The following ANKRD26 variants were observed in gnomAD, a reference collection of about 807,000 sequenced individuals.
ANKRD26 encodes ankyrin repeat domain 26.
Under a neutral mutation model 208.7 loss-of-function variants are expected in ANKRD26, and 141 were observed. The ratio of observed to expected loss-of-function variants is 0.68; its 90% CI spans 0.59 to 0.78. The LOEUF is 0.78. Ranked by LOEUF, ANKRD26 falls within the 30% of genes least tolerant of loss-of-function variation. The pLI, the probability that ANKRD26 is intolerant of heterozygous loss-of-function variation, is 0.00. For missense variants in ANKRD26, 1,889 were observed against 1,938.7 expected, an observed-to-expected ratio of 0.97 and a Z score of 0.48; for synonymous variants, 636 against 660.4, an observed-to-expected ratio of 0.96 and a Z score of 0.57.
Position 27,067,178 on chromosome 10 carries a change from C to T in ANKRD26, c.1186G>A (p.Val396Met). ...TTACCACTTCTATTATTTTTGTGCA[C>T]TTCATCAACATAAGTCAAATTGTCA... ...NNDNLTYVDE[V>M]HKNNRSDMMS... The change falls in exon 10 of 34, where the codon GTG (valine) becomes ATG (methionine). Residue 396 changes from valine to methionine, a missense_variant. This residue lies in a region of ANKRD26 where 1,272 missense variants were observed against 1,273.8 expected (regional missense o/e 1.00). Coordinates refer to ENST00000376087, the MANE Select transcript of ANKRD26 (RefSeq NM_014915.3). The T allele has an allele frequency of 6.2e-7, 1 of 1,613,600 alleles. No homozygotes were observed. Among genetic ancestry groups the T allele is most frequent in the South Asian group, 1.1e-5 (1 of 91,074 alleles).
intron 9 of ANKRD26, among the ~76,000 whole-genome samples, chr10:27,069,142 C>A (rs1005823273): frequency 2.0e-4 from 26 of 127,364 alleles, no homozygotes; most frequent in Non-Finnish European, 2.9e-4. Context: ...TTGCGGTGAA[C>A]AGAGGTGACG....
intron 5 of ANKRD26, among the ~76,000 whole-genome samples, chr10:26,979,930 G>GT (rs35002427): frequency 4.5e-4 from 68 of 150,444 alleles, no homozygotes; most frequent in African/African-American, 1.2e-3. Flanking sequence ...GCAGTCTTTT[G>GT]TTTTTTTTTT....
chr10:27,034,326 A>T (rs1231863187), intron 24 of ANKRD26, among the ~76,000 whole-genome samples: 1 of 152,248 alleles, frequency 6.6e-6, no homozygotes, highest in African/African-American at 2.4e-5. Flanking sequence ...ACAGAAAAGT[A>T]TTAAGAGATA....
chr10:27,077,603 A>C, intron 8 of ANKRD26, 30 bp downstream of exon 8: 1 of 1,612,584 alleles, frequency 6.2e-7, no homozygotes, highest in Non-Finnish European at 8.5e-7. Flanking sequence ...AGTGAATAAC[A>C]CAAGAATAAG....
intron 11 of ANKRD26, among the ~76,000 whole-genome samples, chr10:27,065,903 G>A (rs2055228034): frequency 2.0e-5 from 2 of 101,722 alleles, no homozygotes; most frequent in South Asian, 6.6e-4. Context: ...GTCTTGCTCT[G>A]TTGCCAGGAT....
chr10:27,082,783 A>T lies in ANKRD26; in HGVS notation c.740+20T>A, dbSNP rs760362996. Reference sequence around the variant, plus strand: ...TCTGTATTCCTTTAAATATATTTTTAAAAATCTGTAAAATACTACCTGCTT... The same window carrying T: ...TCTGTATTCCTTTAAATATATTTTTTAAAATCTGTAAAATACTACCTGCTT... On this transcript the variant is annotated intron_variant, in intron 6 of 33. Transcript: ENST00000376087. 6.4e-6 allele frequency: 10 copies of T among 1,568,898 alleles called. No homozygotes were observed. The highest frequency in any genetic ancestry group is 1.8e-5 in the Admixed American group (1 of 56,498).
intron 20 of ANKRD26, among the ~76,000 whole-genome samples, chr10:27,043,148 A>G (rs2054318531): frequency 6.6e-6 from 1 of 151,908 alleles, no homozygotes; most frequent in African/African-American, 2.4e-5. Context: ...ACAAAATGAA[A>G]AGTCAACAAA....
the ANKRD26 span, among the ~76,000 whole-genome samples, chr10:26,951,019 C>CTTTTTTTTTTTTTTTTTTTTTTTTTTT: frequency 6.2e-5 from 3 of 48,596 alleles, no homozygotes; most frequent in African/African-American, 1.1e-4. Context: ...TTTTCTTTTT[C>CTTTTTTTTTTTTTTTTTTTTTTTTTTT]TTTTTTTTTT....
In ANKRD26 at chr10:27,048,885, T is replaced by C. The variant is rs2054552568; in HGVS notation, c.1730A>G (p.Asp577Gly). Residue 577 changes from aspartate (D) to glycine (G), a missense_variant, in exon 17 of 34, where the codon GAT becomes GGT. Asp to Gly is a moderately conservative substitution (Grantham distance 94). Transcript: ENST00000376087. ...TCTTTTTTGAATTAATCCATCATCA[T>C]CATCATCATCTTCAGCATCATCAGT... ...GATDDAEDDD[D>G]DDGLIQKRKS... 6.2e-7 allele frequency: 1 copy of C among 1,613,200 alleles called. No individual in the cohort carries two copies. Among genetic ancestry groups the C allele is most frequent in the Non-Finnish European group, 8.5e-7 (1 of 1,179,654 alleles).
In ANKRD26 at chr10:27,034,827, T is replaced by A. The variant is rs1472223776; in HGVS notation, c.3623A>T (p.Tyr1208Phe). Reference protein sequence around the residue: ...SECNHLKERQYQYENEKAERE... With the variant: ...SECNHLKERQFQYENEKAERE... ...TTCTGCCTTTTCATTTTCATATTGATACTGTCTTTCTTTTAAGTGATTACA... is the reference window on the plus strand; with the variant it reads ...TTCTGCCTTTTCATTTTCATATTGAAACTGTCTTTCTTTTAAGTGATTACA... Residue 1208 changes from tyrosine to phenylalanine, a missense_variant, in exon 24 of 34, where the codon TAT becomes TTT. By Grantham distance (22) the Tyr-to-Phe change is conservative. Around this residue, in one of 3 missense-constraint regions of ANKRD26, gnomAD observed 613 missense variants for 648.2 expected, o/e 0.95. Transcript: ENST00000376087. 1 of 1,610,398 alleles carries A rather than the reference T, an allele frequency of 6.2e-7. No homozygotes were observed. Among genetic ancestry groups the A allele is most frequent in the African/African-American group, 1.3e-5 (1 of 74,798 alleles).
At chr10:26,977,320 G>T (rs1195527085) in intron 5 of ANKRD26, among the ~76,000 whole-genome samples, 1 of 152,090 alleles carries the variant, frequency 6.6e-6, no homozygotes, top group African/African-American at 2.4e-5. Context: ...GTCTAAAATT[G>T]TATTAAAGTC....
At chr10:27,012,573 G>A (rs1028820059) in intron 32 of ANKRD26, among the ~76,000 whole-genome samples, 1 of 152,124 alleles carries the variant, frequency 6.6e-6, no homozygotes, top group Non-Finnish European at 1.5e-5. Flanking sequence ...CCAGCACTTC[G>A]GGAGGGTGAG....
At chr10:27,022,775 A>G (rs1287084482) in intron 28 of ANKRD26, 88 bp from the exon 29 acceptor site, 1 of 1,217,502 alleles carries the variant, frequency 8.2e-7, no homozygotes, top group Non-Finnish European at 1.2e-6. Flanking sequence ...TTTAGCATGT[A>G]AGAAAAACAA....
In ANKRD26 at chr10:27,005,502, G is replaced by A. The variant is rs988411257; in HGVS notation, c.*88C>T. ...TCTGACATATATGATACAAAAATACGTTCCTTTAATATTTTTACATGTCAT... is the reference window on the plus strand; with the variant it reads ...TCTGACATATATGATACAAAAATACATTCCTTTAATATTTTTACATGTCAT... On this transcript the variant is annotated 3_prime_UTR_variant, in exon 34 of 34. Coordinates refer to ENST00000376087, the MANE Select transcript of ANKRD26 (RefSeq NM_014915.3). The A allele has an allele frequency of 6.6e-5, 102 of 1,543,806 alleles. No homozygotes were observed. The East Asian group carries it at 8.3e-4, about 13-fold the overall frequency.
intron 3 of ANKRD26, among the ~76,000 whole-genome samples, chr10:26,984,220 C>A (rs2052350948): frequency 6.6e-6 from 1 of 152,106 alleles, no homozygotes; most frequent in Admixed American, 6.5e-5. Context: ...ATCATAATGG[C>A]TAATACACAA....
At chr10:27,039,743 C>T (rs770339831) in intron 21 of ANKRD26, among the ~76,000 whole-genome samples, 13 of 152,050 alleles carry the variant, frequency 8.5e-5, no homozygotes, top group Non-Finnish European at 1.2e-4. Flanking sequence ...GTCTTCCATA[C>T]GACAAACTTC....
chr10:27,023,861 T>C (rs2053571709), intron 28 of ANKRD26, among the ~76,000 whole-genome samples: 1 of 152,156 alleles, frequency 6.6e-6, no homozygotes, highest in Non-Finnish European at 1.5e-5. Context: ...CATACTTTTG[T>C]ATATGTATGA....
rs41280944 is a variant in ANKRD26 at position 27,092,562 on chromosome 10, G to A, written c.532-50C>T. The A allele has an allele frequency of 0.014, 18,952 of 1,363,674 alleles. 220 individuals carry two copies. Among genetic ancestry groups the A allele is most frequent in the South Asian group, 0.035 (3,002 of 85,068 alleles). The allele number at this position is 1,363,674 out of a possible 1,614,324, so 84.5% of individuals were successfully genotyped here. Reference sequence around the variant, plus strand: ...AAATGCATAAAATTACATAATTCTCGGCTGAACTGAAAACTCTATGTCAGA... The same window carrying A: ...AAATGCATAAAATTACATAATTCTCAGCTGAACTGAAAACTCTATGTCAGA... On this transcript the variant is annotated intron_variant, in intron 3 of 33. Coordinates refer to ENST00000376087, the MANE Select transcript of ANKRD26 (RefSeq NM_014915.3).
At chr10:27,049,086 A>G (rs1248788829) in intron 16 of ANKRD26, 107 bp from the exon 17 acceptor site, 1 of 960,998 alleles carries the variant, frequency 1.0e-6, no homozygotes, top group Non-Finnish European at 1.5e-6. Context: ...TGGTAACTTT[A>G]GCCAATAAAA....
Sources: gnomAD v4.1 joint callset for allele counts (sites outside exome capture counted in the v4.1 genomes callset) on GRCh38, gnomAD v4.1.1 for gene constraint, gnomAD v4.1.1 regional missense constraint, MANE v1.5 for transcripts, NCBI Gene and HGNC (gene_info 2026-07-23, HGNC 2026-07-21) for gene names.